The following ILDR1 variants were observed in gnomAD, a reference collection of about 807,000 sequenced individuals.
ILDR1 encodes immunoglobulin like domain containing receptor 1.
Under a neutral mutation model 62.4 loss-of-function variants are expected in ILDR1, and 56 were observed. The ratio of observed to expected loss-of-function variants is 0.90; its 90% CI spans 0.72 to 1.12. The LOEUF (loss-of-function observed/expected upper bound fraction) is 1.12, where lower values mean the gene tolerates loss of function less well. Among genes scored for constraint, ILDR1 ranks in the 50% most tolerant of loss-of-function variants. The pLI, the probability that ILDR1 is intolerant of heterozygous loss-of-function variation, is 0.00. For synonymous variants in ILDR1, 284 were observed against 277.8 expected, an observed-to-expected ratio of 1.02 and a Z score of -0.22; for missense variants, 736 against 710.6, an observed-to-expected ratio of 1.04 and a Z score of -0.41.
intron 3 of ILDR1, 38 bp downstream of exon 3, chr3:122,005,206 C>CCCCCCCCCCCTTACCCAGACA: frequency 7.8e-7 from 1 of 1,282,510 alleles, no homozygotes; most frequent in Non-Finnish European, 1.1e-6. Context: ...TGCACCTCCC[C>CCCCCCCCCCCTTACCCAGACA]CCACCCCCAG....
the ILDR1 span, among the ~76,000 whole-genome samples, chr3:122,045,519 G>T: frequency 2.0e-5 from 3 of 151,562 alleles, no homozygotes; most frequent in African/African-American, 7.3e-5. Context: ...ACAGTGGGGT[G>T]TTAAAGTCTC....
At chr3:122,036,962 G>T in the ILDR1 span, among the ~76,000 whole-genome samples, 2 of 152,214 alleles carry the variant, frequency 1.3e-5, no homozygotes, top group Non-Finnish European at 2.9e-5. Context: ...GGCTTCAGAG[G>T]GTGCAAGCCC....
Position 121,988,364 on chromosome 3 carries a change from T to A in ILDR1, c.*3A>T. 2 of 1,613,156 alleles carry A rather than the reference T, an allele frequency of 1.2e-6. No homozygotes were observed. Among genetic ancestry groups the A allele is most frequent in the Non-Finnish European group, 1.7e-6 (2 of 1,179,138 alleles). On this transcript the variant is annotated 3_prime_UTR_variant, in exon 8 of 8. Transcript: ENST00000344209. ...GCCACAGAAGTTGTGCTGTGCTTGG[T>A]GACTAAATGACCACACTCCTTCCAC...
upstream of ILDR1, among the ~76,000 whole-genome samples, chr3:122,023,772 G>A (rs76936600): frequency 1.3e-5 from 2 of 152,060 alleles, no homozygotes; most frequent in African/African-American, 2.4e-5. Flanking sequence ...TAGGTCTTCC[G>A]TGGAGGGATC....
the ILDR1 span, among the ~76,000 whole-genome samples, chr3:122,030,961 T>A: frequency 6.6e-6 from 1 of 152,194 alleles, no homozygotes. Context: ...GGGCAGCCCC[T>A]AAATGGAACA....
the ILDR1 span, among the ~76,000 whole-genome samples, chr3:122,039,251 C>T: frequency 6.6e-6 from 1 of 151,958 alleles, no homozygotes; most frequent in East Asian, 1.9e-4. Flanking sequence ...GTCTAAGAAG[C>T]CCAGAGAACA....
At chr3:122,056,523 C>T in the ILDR1 span, among the ~76,000 whole-genome samples, 2 of 152,156 alleles carry the variant, frequency 1.3e-5, no homozygotes, top group South Asian at 4.2e-4. Context: ...TTGGTAGAGA[C>T]GGGGTCCACC....
chr3:122,034,837 C>A, the ILDR1 span, among the ~76,000 whole-genome samples: 1 of 152,058 alleles, frequency 6.6e-6, no homozygotes, highest in African/African-American at 2.4e-5. Flanking sequence ...TGGCAGCAGG[C>A]AAAGAGAGAG....
chr3:122,000,935 T>C (rs2071514242), intron 5 of ILDR1, among the ~76,000 whole-genome samples: 1 of 152,246 alleles, frequency 6.6e-6, no homozygotes, highest in African/African-American at 2.4e-5. Context: ...CCTTTACAAG[T>C]GGCCTTCTCT....
At chr3:122,002,639 T>A (rs1056190506) in intron 3 of ILDR1, among the ~76,000 whole-genome samples, 4 of 151,980 alleles carry the variant, frequency 2.6e-5, no homozygotes, top group African/African-American at 9.7e-5. Context: ...AATTTTAAGG[T>A]CAGGGGTATA....
At chr3:122,010,220 CAG>C (rs1386392428) in intron 1 of ILDR1, among the ~76,000 whole-genome samples, 1 of 152,064 alleles carries the variant, frequency 6.6e-6, no homozygotes, top group African/African-American at 2.4e-5. Flanking sequence ...TTATGGAAAA[CAG>C]AGAAGATAAA....
the ILDR1 span, among the ~76,000 whole-genome samples, chr3:122,044,810 T>G: frequency 6.6e-6 from 1 of 152,220 alleles, no homozygotes; most frequent in Non-Finnish European, 1.5e-5. Flanking sequence ...TTCTCTCTTT[T>G]CTTCTTTATC....
the ILDR1 span, chr3:122,055,385 A>T: frequency 8.8e-7 from 1 of 1,135,268 alleles, no homozygotes; most frequent in South Asian, 1.3e-5. Context: ...GAAGGCTTGC[A>T]CAGGGTGAAA....
At chr3:122,001,704 G>A in intron 4 of ILDR1, 41 bp downstream of exon 4, 2 of 1,609,066 alleles carry the variant, frequency 1.2e-6, no homozygotes, top group Admixed American at 1.7e-5. Context: ...AAGTGTTACG[G>A]CAGTGAGGGT....
chr3:122,027,445 C>T, the ILDR1 span, among the ~76,000 whole-genome samples: 3 of 152,170 alleles, frequency 2.0e-5, no homozygotes, highest in Non-Finnish European at 4.4e-5. Context: ...CCGCCTTGGA[C>T]CCCCAAAGTG....
the ILDR1 span, among the ~76,000 whole-genome samples, chr3:122,052,155 A>G: frequency 6.6e-6 from 1 of 152,190 alleles, no homozygotes; most frequent in African/African-American, 2.4e-5. Flanking sequence ...CTCCTGAAGA[A>G]GAGGGCACTG....
At chr3:122,011,794 G>A (rs954342280) in intron 1 of ILDR1, among the ~76,000 whole-genome samples, 5 of 151,666 alleles carry the variant, frequency 3.3e-5, no homozygotes, top group Admixed American at 6.6e-5. Context: ...TTATGCACCG[G>A]GTGATGTACA....
chr3:122,047,824 A>G, the ILDR1 span, among the ~76,000 whole-genome samples: 2 of 152,196 alleles, frequency 1.3e-5, no homozygotes, highest in South Asian at 4.1e-4. Context: ...GGCACTCCCT[A>G]GTGAGATAAA....
the ILDR1 span, among the ~76,000 whole-genome samples, chr3:122,051,872 T>C: frequency 1.3e-5 from 2 of 152,160 alleles, no homozygotes; most frequent in African/African-American, 4.8e-5. Context: ...TCTCTGGGCT[T>C]ATGCACGTAG....
Sources: allele counts gnomAD v4.1 joint callset (sites outside exome capture counted in the v4.1 genomes callset), GRCh38; gene constraint gnomAD v4.1.1; transcripts MANE v1.5; gene names NCBI Gene and HGNC (gene_info 2026-07-23, HGNC 2026-07-21).